The following PMS2 variants were observed in gnomAD, a reference collection of about 807,000 sequenced individuals.
The protein encoded by PMS2 is PMS1 homolog 2, mismatch repair system component.
PMS2 carries 69 observed loss-of-function variants against 90.0 expected under a neutral mutation model. The ratio of observed to expected loss-of-function variants is 0.77; its 90% CI spans 0.63 to 0.94. The LOEUF is 0.94. Among genes scored for constraint, PMS2 ranks in the 40% least tolerant of loss-of-function variants. The probability of loss-of-function intolerance (pLI) is 0.00; values close to 1 mark genes in which losing one functional copy is unlikely to be tolerated. For missense variants in PMS2, 966 were observed against 1,040.2 expected, an observed-to-expected ratio of 0.93 and a Z score of 0.98; for synonymous variants, 332 against 375.1, an observed-to-expected ratio of 0.89 and a Z score of 1.33.
chr7:5,996,179 A>C (rs1464639117), intron 7 of PMS2, among the ~76,000 whole-genome samples: 2 of 152,288 alleles, frequency 1.3e-5, no homozygotes, highest in African/African-American at 4.8e-5. Flanking sequence ...CATGTTTACC[A>C]TTTCAGGCAT....
At chr7:5,994,917 G>A (rs921386434) in intron 8 of PMS2, among the ~76,000 whole-genome samples, 8 of 152,098 alleles carry the variant, frequency 5.3e-5, no homozygotes, top group Non-Finnish European at 7.4e-5. Flanking sequence ...ATAATAAAAT[G>A]TTGAATATCT....
intron 12 of PMS2, among the ~76,000 whole-genome samples, chr7:5,981,080 C>G (rs1198048421): frequency 6.6e-6 from 1 of 151,618 alleles, no homozygotes; most frequent in African/African-American, 2.4e-5. Context: ...ACCTCTTCTT[C>G]TAACTTTGCT....
In PMS2 at chr7:5,987,311, G is replaced by A. The variant is rs1805323; in HGVS notation, c.1454C>T (p.Thr485Met). The A allele has an allele frequency of 1.2e-5, 19 of 1,613,968 alleles. No homozygotes were observed. Among genetic ancestry groups the A allele is most frequent in the Non-Finnish European group, 1.4e-5 (16 of 1,180,008 alleles). Residue 485 changes from threonine (T) to methionine (M), a missense_variant, in exon 11 of 15, where the codon ACG becomes ATG. Physicochemically the swap from Thr to Met is moderately conservative, Grantham distance 81. Around this residue, in one of 2 missense-constraint regions of PMS2, gnomAD observed 871 missense variants for 802.4 expected, o/e 1.09. Coordinates refer to ENST00000265849, the MANE Select transcript of PMS2 (RefSeq NM_000535.7). Reference protein sequence around the residue: ...VSSSHGPSDPTDRAEVEKDSG... With the variant: ...VSSSHGPSDPMDRAEVEKDSG... ...GTCCTTCTCCACCTCCGCTCTGTCC[G>A]TAGGGTCACTGGGTCCGTGACTGGA...
At chr7:5,998,590 A>G (rs2128795326) in intron 6 of PMS2, among the ~76,000 whole-genome samples, 1 of 150,830 alleles carries the variant, frequency 6.6e-6, no homozygotes, top group South Asian at 2.1e-4. Flanking sequence ...GCTACTCAGG[A>G]GGCTAAGGTA....
At chr7:5,978,463 G>T in intron 13 of PMS2, 133 bp downstream of exon 13, 2 of 1,037,014 alleles carry the variant, frequency 1.9e-6, no homozygotes, top group Non-Finnish European at 2.9e-6. Context: ...TAGAGATGGG[G>T]TTTCACCATG....
intron 11 of PMS2, among the ~76,000 whole-genome samples, chr7:5,985,273 T>G (rs1447227836): frequency 6.7e-6 from 1 of 149,288 alleles, no homozygotes; most frequent in Non-Finnish European, 1.5e-5. Context: ...AATTTTTTTT[T>G]TTTTTTTTTT....
At chr7:5,982,241 T>C (rs1391527700) in intron 12 of PMS2, among the ~76,000 whole-genome samples, 1 of 152,064 alleles carries the variant, frequency 6.6e-6, no homozygotes, top group Non-Finnish European at 1.5e-5. Context: ...GTTTCACTCT[T>C]GTTGCCCAGG....
chr7:6,005,647 T>C (rs1285499783), intron 2 of PMS2, among the ~76,000 whole-genome samples: 2 of 152,196 alleles, frequency 1.3e-5, no homozygotes, highest in Non-Finnish European at 2.9e-5. Context: ...GTTCTGCAAA[T>C]TAAATATTTC....
intron 5 of PMS2, among the ~76,000 whole-genome samples, 179 bp from the exon 6 acceptor site, chr7:5,999,454 G>C (rs1013568039): frequency 1.3e-5 from 2 of 152,142 alleles, no homozygotes; most frequent in African/African-American, 4.8e-5. Flanking sequence ...GGAACGCAGA[G>C]CTTTTGGCTC....
chr7:5,995,130 C>G (rs1233769112), intron 8 of PMS2, among the ~76,000 whole-genome samples: 1 of 152,102 alleles, frequency 6.6e-6, no homozygotes, highest in African/African-American at 2.4e-5. Context: ...CTCCATCTCC[C>G]AGGTTCAAGT....
At chr7:5,982,322 C>T (rs946750022) in intron 12 of PMS2, among the ~76,000 whole-genome samples, 2 of 152,240 alleles carry the variant, frequency 1.3e-5, no homozygotes, top group Non-Finnish European at 2.9e-5. Context: ...TCTCCTGCCT[C>T]AGCCTCCCAA....
chr7:5,986,722 A>T (rs753957202), intron 11 of PMS2, 37 bp downstream of exon 11: 1 of 1,437,396 alleles, frequency 7.0e-7, no homozygotes. Flanking sequence ...TAAAAATTTT[A>T]GATAAAAAGA....
intron 12 of PMS2, among the ~76,000 whole-genome samples, chr7:5,982,228 G>A (rs1397741179): frequency 1.8e-4 from 27 of 149,566 alleles, no homozygotes; most frequent in African/African-American, 4.0e-4. Context: ...TTTTTGAGAC[G>A]GAGTTTCACT....
At chr7:6,000,377 TAAAAAAAAAAA>T (rs67186373) in intron 5 of PMS2, among the ~76,000 whole-genome samples, 1 of 122,824 alleles carries the variant, frequency 8.1e-6, no homozygotes, top group Admixed American at 8.9e-5. Flanking sequence ...CTGTCTCAAT[TAAAAAAAAAAA>T]AAAAAAAAAA....
intron 5 of PMS2, among the ~76,000 whole-genome samples, chr7:6,001,607 G>A (rs1347800821): frequency 3.9e-5 from 6 of 152,076 alleles, no homozygotes; most frequent in Non-Finnish European, 8.8e-5. Context: ...TTGACCTCGT[G>A]ATCCACCCGC....
At chr7:5,991,348 T>C (rs1783706736) in intron 9 of PMS2, among the ~76,000 whole-genome samples, 1 of 151,520 alleles carries the variant, frequency 6.6e-6, no homozygotes, top group Non-Finnish European at 1.5e-5. Flanking sequence ...TCTAAGTATC[T>C]AGAAAAAATA....
At chr7:5,991,596 T>G (rs565574538) in intron 9 of PMS2, among the ~76,000 whole-genome samples, 1 of 151,478 alleles carries the variant, frequency 6.6e-6, no homozygotes, top group African/African-American at 2.4e-5. Context: ...TCCCAGCACT[T>G]TGGGAGGCCA....
intron 5 of PMS2, chr7:6,002,094 A>C (rs1462495550): frequency 1.1e-5 from 3 of 268,248 alleles, no homozygotes; most frequent in Non-Finnish European, 1.4e-5. Context: ...CAGTGGCGCA[A>C]TCATAGCTCA....
At chr7:5,983,059 C>G in intron 11 of PMS2, 68 bp from the exon 12 acceptor site, 2 of 1,556,402 alleles carry the variant, frequency 1.3e-6, no homozygotes, top group Non-Finnish European at 1.7e-6. Flanking sequence ...TTATAGAACA[C>G]TGTAATAAAA....
Sources: allele counts gnomAD v4.1 joint callset (sites outside exome capture counted in the v4.1 genomes callset), GRCh38; gene constraint gnomAD v4.1.1; regional missense constraint gnomAD v4.1.1; transcripts MANE v1.5; gene names NCBI Gene and HGNC (gene_info 2026-07-23, HGNC 2026-07-21).